The following GRM3 variants were observed in gnomAD, a reference collection of about 807,000 sequenced individuals.
GRM3 encodes the protein metabotropic glutamate receptor 3.
GRM3 carries 26 observed loss-of-function variants against 70.5 expected under a neutral mutation model. That is an observed-to-expected ratio of 0.37 (90% CI 0.27 to 0.51). GRM3 has a LOEUF of 0.51. Ranked by LOEUF, GRM3 falls within the 20% of genes least tolerant of loss-of-function variation. The probability of loss-of-function intolerance (pLI) is 0.93; values close to 1 mark genes in which losing one functional copy is unlikely to be tolerated. For synonymous variants in GRM3, 443 were observed against 434.9 expected (o/e 1.02, Z -0.23); for missense variants, 859 against 1,123.8 (o/e 0.76, Z 3.37).
intron 1 of GRM3, among the ~76,000 whole-genome samples, chr7:86,761,051 GT>G (rs754719976): frequency 3.9e-5 from 6 of 152,108 alleles, no homozygotes; most frequent in Non-Finnish European, 7.4e-5. Flanking sequence ...GATGAAAATA[GT>G]TCATAAAAAC....
intron 1 of GRM3, among the ~76,000 whole-genome samples, chr7:86,688,785 A>T (rs1272971016): frequency 6.8e-6 from 1 of 147,902 alleles, no homozygotes; most frequent in Non-Finnish European, 1.5e-5. Flanking sequence ...ATGTGATATG[A>T]GAGATATGAT....
intron 1 of GRM3, among the ~76,000 whole-genome samples, chr7:86,747,981 C>T (rs1796145755): frequency 6.6e-6 from 1 of 152,076 alleles, no homozygotes; most frequent in African/African-American, 2.4e-5. Context: ...CAGTTCTCTC[C>T]ACTGTTGTTC....
chr7:86,693,253 T>A (rs1794734774), intron 1 of GRM3, among the ~76,000 whole-genome samples: 1 of 152,204 alleles, frequency 6.6e-6, no homozygotes, highest in South Asian at 2.1e-4. Flanking sequence ...TACTTTTAAA[T>A]AAGGAGACCA....
At chr7:86,674,530 C>A (rs189835989) in intron 1 of GRM3, among the ~76,000 whole-genome samples, 1 of 152,184 alleles carries the variant, frequency 6.6e-6, no homozygotes, top group East Asian at 1.9e-4. Context: ...AAAGAACTTG[C>A]AAATAGATTA....
At chr7:86,798,185 T>C (rs558297406) in intron 3 of GRM3, among the ~76,000 whole-genome samples, 2 of 152,240 alleles carry the variant, frequency 1.3e-5, no homozygotes, top group African/African-American at 2.4e-5. Context: ...GGGGACTGCA[T>C]AGTGGAGCTG....
At chr7:86,841,019 A>G (rs1333091314) in intron 4 of GRM3, among the ~76,000 whole-genome samples, 1 of 152,210 alleles carries the variant, frequency 6.6e-6, no homozygotes, top group Admixed American at 6.5e-5. Flanking sequence ...TCAATTTCTA[A>G]GAGCTTTTAG....
At chr7:86,732,004 A>G (rs1364768083) in intron 1 of GRM3, among the ~76,000 whole-genome samples, 1 of 152,178 alleles carries the variant, frequency 6.6e-6, no homozygotes, top group Non-Finnish European at 1.5e-5. Flanking sequence ...GGTATTGAGG[A>G]TTGGTAATTT....
intron 1 of GRM3, among the ~76,000 whole-genome samples, chr7:86,748,940 TGAA>T (rs1414384908): frequency 2.0e-5 from 3 of 152,086 alleles, no homozygotes; most frequent in Admixed American, 6.6e-5. Flanking sequence ...GAGTAAGTGC[TGAA>T]GAAGAATTTG....
Position 86,644,794 on chromosome 7 carries a change from C to T in GRM3, c.-219C>T, listed in dbSNP as rs765210855. On this transcript the variant is annotated 5_prime_UTR_variant, in exon 1 of 6. Transcript: ENST00000361669. ...TCGGATGAGGAGGACCAACCATGAG[C>T]CAGAGCCCGGGTGCAGGCTCACCGC... 2 of 1,289,342 alleles carry T rather than the reference C, an allele frequency of 1.6e-6. No homozygotes were observed. The highest frequency in any genetic ancestry group is 1.5e-5 in the African/African-American group (1 of 65,868). The allele number at this position is 1,289,342 out of a possible 1,614,324, so 79.9% of individuals were successfully genotyped here. A position where few individuals can be genotyped will look rare whatever the true frequency, so the allele number is the denominator to read the frequency against.
intron 1 of GRM3, among the ~76,000 whole-genome samples, chr7:86,696,253 G>A (rs1246375021): frequency 6.6e-6 from 1 of 152,186 alleles, no homozygotes; most frequent in Non-Finnish European, 1.5e-5. Context: ...TTAAGAAAGA[G>A]TGATGGGAGA....
intron 3 of GRM3, among the ~76,000 whole-genome samples, chr7:86,814,306 G>C (rs1797973930): frequency 6.6e-6 from 1 of 151,642 alleles, no homozygotes. Context: ...GGAGATCTGT[G>C]AGAACCTGGT....
At chr7:86,666,577 G>A (rs1259000275) in intron 1 of GRM3, among the ~76,000 whole-genome samples, 1 of 151,890 alleles carries the variant, frequency 6.6e-6, no homozygotes, top group East Asian at 1.9e-4. Flanking sequence ...GATGTTTTTT[G>A]TTATTGTTTA....
chr7:86,809,880 T>G (rs1362300384), intron 3 of GRM3, among the ~76,000 whole-genome samples: 1 of 152,058 alleles, frequency 6.6e-6, no homozygotes, highest in Non-Finnish European at 1.5e-5. Flanking sequence ...ATACAGCATC[T>G]CATTTAATAT....
At chr7:86,749,862 A>G (rs1796188996) in intron 1 of GRM3, among the ~76,000 whole-genome samples, 1 of 151,984 alleles carries the variant, frequency 6.6e-6, no homozygotes, top group Non-Finnish European at 1.5e-5. Context: ...TGGGAGTTAT[A>G]AAAGGAGTTA....
intron 1 of GRM3, among the ~76,000 whole-genome samples, chr7:86,750,598 T>C (rs1796207009): frequency 6.6e-6 from 1 of 151,778 alleles, no homozygotes; most frequent in South Asian, 2.1e-4. Context: ...GCTGCTAAGA[T>C]GAAATTTAGA....
intron 1 of GRM3, among the ~76,000 whole-genome samples, chr7:86,749,266 GCCC>G (rs564320541): frequency 8.5e-4 from 129 of 152,128 alleles, no homozygotes; most frequent in African/African-American, 3.0e-3. Flanking sequence ...CATCTTGTGT[GCCC>G]CACCACAGGT....
intron 1 of GRM3, among the ~76,000 whole-genome samples, chr7:86,676,316 G>A (rs1413288155): frequency 6.6e-6 from 1 of 151,696 alleles, no homozygotes; most frequent in East Asian, 1.9e-4. Context: ...TAAAATCAGA[G>A]GAAGACAAAA....
At chr7:86,861,933 C>T (rs1020517948) in intron 5 of GRM3, among the ~76,000 whole-genome samples, 6 of 152,178 alleles carry the variant, frequency 3.9e-5, no homozygotes, top group African/African-American at 1.4e-4. Flanking sequence ...GGAGAAACAT[C>T]ATGGTGGGTT....
rs529897071 is a variant in GRM3 at position 86,722,252 on chromosome 7, G to A, written c.-140-42754G>A. Reference sequence around the variant, plus strand: ...TTTGACCCAGCAATCCCATTACTGGGTATATACCCAAAGGATTATAAATCA... The same window carrying A: ...TTTGACCCAGCAATCCCATTACTGGATATATACCCAAAGGATTATAAATCA... On this transcript the variant is annotated intron_variant, in intron 1 of 5. Transcript: ENST00000361669. Among the ~76,000 whole-genome samples the A allele has an allele frequency of 4.0e-4, 61 of 151,926 alleles. 1 individual carries two copies. The highest frequency in any genetic ancestry group is 4.4e-5 in the Non-Finnish European group (3 of 67,994).
Sources: gnomAD v4.1 joint callset for allele counts (sites outside exome capture counted in the v4.1 genomes callset) on GRCh38, gnomAD v4.1.1 for gene constraint, MANE v1.5 for transcripts, NCBI Gene and HGNC (gene_info 2026-07-23, HGNC 2026-07-21) for gene names.